Variants in KCNN3 observed in about 807,000 individuals in gnomAD.
KCNN3 encodes the protein potassium calcium-activated channel subfamily N member 3.
In KCNN3, 16 loss-of-function variants were observed where a neutral mutation model predicts 62.9. The ratio of observed to expected loss-of-function variants is 0.25; its 90% CI spans 0.17 to 0.39. KCNN3 has a LOEUF of 0.39. Ranked by LOEUF, KCNN3 falls within the 10% of genes least tolerant of loss-of-function variation. The pLI, the probability that KCNN3 is intolerant of heterozygous loss-of-function variation, is 1.00. For synonymous variants in KCNN3, 370 were observed against 389.2 expected (o/e 0.95, Z 0.58); for missense variants, 599 against 949.4 (o/e 0.63, Z 4.85).
At chr1:154,796,878 C>G (rs1649757836) in intron 2 of KCNN3, among the ~76,000 whole-genome samples, 1 of 152,146 alleles carries the variant, frequency 6.6e-6, no homozygotes, top group Non-Finnish European at 1.5e-5. Context: ...AAAGGGTTTT[C>G]CAAATGAAGA....
At chr1:154,776,761 G>A (rs1473535252) in intron 2 of KCNN3, among the ~76,000 whole-genome samples, 1 of 152,214 alleles carries the variant, frequency 6.6e-6, no homozygotes, top group African/African-American at 2.4e-5. Context: ...CCTTAGACAT[G>A]GTTCTCAACC....
Position 154,809,875 on chromosome 1 carries a change from T to G in KCNN3, c.1029+12214A>C, listed in dbSNP as rs1162120808. Among the ~76,000 whole-genome samples the G allele has an allele frequency of 3.9e-5, 6 of 152,144 alleles. No homozygotes were observed. ...TTCAATATAAACTAACAGGCTACCA[T>G]GAAAGCTAAAAGTCACTGGCTGTCT... On this transcript the variant is annotated intron_variant, in intron 2 of 7. Coordinates refer to ENST00000271915, the MANE Select transcript of KCNN3 (RefSeq NM_002249.6). This position sits in a 1 kb window ranked among gnomAD's most constrained non-coding sequence, Gnocchi z 4.3.
chr1:154,826,536 C>G (rs977729348), intron 1 of KCNN3, among the ~76,000 whole-genome samples: 4 of 118,944 alleles, frequency 3.4e-5, no homozygotes, highest in Non-Finnish European at 7.1e-5. Context: ...GATCTGTCTG[C>G]CTCCAGGTTC....
At position 154,699,486 on chromosome 1, in the gene KCNN3, C is replaced by CT. The variant is rs1327040553; in HGVS notation, c.*8489dup. 1.3e-5 allele frequency: 2 copies of CT among 152,260 alleles called. No homozygotes were observed. Among genetic ancestry groups the CT allele is most frequent in the East Asian group, 3.9e-4 (2 of 5,188 alleles). 9.4% of individuals were successfully genotyped at this position (152,260 alleles called of 1,614,324 possible). ...CACACATACATATTTATACTGACCT[C>CT]TTTAGATTGAAGTCCAAGGCACTTT... On this transcript the variant is annotated 3_prime_UTR_variant, in exon 8 of 8. Transcript: ENST00000271915.
intron 3 of KCNN3, among the ~76,000 whole-genome samples, chr1:154,762,863 T>G (rs1415324996): frequency 1.3e-5 from 2 of 152,200 alleles, no homozygotes; most frequent in African/African-American, 2.4e-5. Context: ...AATTTGATTT[T>G]TCATCCAAGC....
chr1:154,838,255 C>T (rs1651683153), intron 1 of KCNN3, among the ~76,000 whole-genome samples: 1 of 152,156 alleles, frequency 6.6e-6, no homozygotes, highest in African/African-American at 2.4e-5. Context: ...CCAAAGTCAC[C>T]CAGCTGCTAG....
At chr1:154,813,322 G>A (rs1290599366) in intron 2 of KCNN3, among the ~76,000 whole-genome samples, 1 of 151,344 alleles carries the variant, frequency 6.6e-6, no homozygotes, top group Admixed American at 6.6e-5. Context: ...GCGTGTCCAC[G>A]GCCCCCTCAC....
intron 1 of KCNN3, among the ~76,000 whole-genome samples, chr1:154,840,105 G>A (rs1651765246): frequency 6.6e-6 from 1 of 152,090 alleles, no homozygotes; most frequent in East Asian, 1.9e-4. Flanking sequence ...AAAGGTCACT[G>A]GGTGGTGATT....
At chr1:154,754,070 G>C (rs10494300) in intron 3 of KCNN3, among the ~76,000 whole-genome samples, 51,371 of 152,074 alleles carry the variant, frequency 0.34, 9,881 homozygotes, top group East Asian at 0.57. Context: ...TGTTGCTGAT[G>C]TTACTAAAAT....
intron 1 of KCNN3, among the ~76,000 whole-genome samples, chr1:154,842,016 C>T (rs1046265739): frequency 6.6e-6 from 1 of 152,242 alleles, no homozygotes; most frequent in African/African-American, 2.4e-5. Flanking sequence ...GAGGATGGCA[C>T]ACAGCCTGGA....
chr1:154,772,413 C>A lies in KCNN3; in HGVS notation c.1030-20G>T. On this transcript the variant is annotated intron_variant, in intron 2 of 7. Coordinates refer to ENST00000271915, the MANE Select transcript of KCNN3 (RefSeq NM_002249.6). The surrounding 1 kb of genome is among the most constrained non-coding windows in gnomAD (Gnocchi z 5.6). ...GAAGAGCTGGTGGGAGCAGAAAGTC[C>A]ATTAGTGTGGCCAGGACCAGGAAGC... 6.2e-7 allele frequency: 1 copy of A among 1,613,130 alleles called. No individual in the cohort carries two copies. Among genetic ancestry groups the A allele is most frequent in the Non-Finnish European group, 8.5e-7 (1 of 1,179,626 alleles).
At position 154,826,075 on chromosome 1, in the gene KCNN3, AAAAAC is replaced by A. The variant is rs1438740669; in HGVS notation, c.934-3896_934-3892del. On this transcript the variant is annotated intron_variant, in intron 1 of 7. Transcript: ENST00000271915. ...AAAAAACAAAAACAAAAACAAAAAC[AAAAAC>A]AAAAACAAAAAAAACCAAAAAACAC... Among the ~76,000 whole-genome samples, 7 of 19,692 alleles carry A rather than the reference AAAAAC, an allele frequency of 3.6e-4. 1 individual carries two copies. Among genetic ancestry groups the A allele is most frequent in the African/African-American group, 8.8e-4 (6 of 6,798 alleles). 12.9% of individuals were successfully genotyped at this position (19,692 alleles called of 152,430 possible). A position where few individuals can be genotyped will look rare whatever the true frequency, so the allele number is the denominator to read the frequency against.
At chr1:154,828,434 C>A (rs572150856) in intron 1 of KCNN3, among the ~76,000 whole-genome samples, 1 of 151,980 alleles carries the variant, frequency 6.6e-6, no homozygotes, top group South Asian at 2.1e-4. Flanking sequence ...AACCCACTCA[C>A]ACCATCTTCT....
intron 2 of KCNN3, among the ~76,000 whole-genome samples, chr1:154,818,363 A>G (rs1346812568): frequency 6.6e-6 from 1 of 152,180 alleles, no homozygotes; most frequent in Non-Finnish European, 1.5e-5. Flanking sequence ...TTCTAAAGAC[A>G]TTGGTAGGGC....
At chr1:154,751,409 C>T (rs1049826605) in intron 3 of KCNN3, among the ~76,000 whole-genome samples, 2 of 152,184 alleles carry the variant, frequency 1.3e-5, no homozygotes, top group African/African-American at 4.8e-5. Context: ...TGTGGCATCC[C>T]GTGCAGACAA....
At chr1:154,790,761 C>T (rs2101862113) in intron 2 of KCNN3, among the ~76,000 whole-genome samples, 1 of 152,336 alleles carries the variant, frequency 6.6e-6, no homozygotes, top group African/African-American at 2.4e-5. Flanking sequence ...GGGACTATCT[C>T]TCTCTGTAGG....
At chr1:154,780,730 A>G (rs12130204) in intron 2 of KCNN3, among the ~76,000 whole-genome samples, 46,013 of 151,786 alleles carry the variant, frequency 0.3, 7,304 homozygotes, top group Middle Eastern at 0.39. Flanking sequence ...CCCTGAGGAC[A>G]GGAGCTGATT....
chr1:154,819,676 T>G (rs1650810397), intron 2 of KCNN3, among the ~76,000 whole-genome samples: 1 of 152,132 alleles, frequency 6.6e-6, no homozygotes, highest in Non-Finnish European at 1.5e-5. Context: ...TTGGTGACTT[T>G]CCTCAAGTGA....
chr1:154,846,511 C>T (rs537831539), intron 1 of KCNN3, among the ~76,000 whole-genome samples: 8 of 152,306 alleles, frequency 5.3e-5, no homozygotes, highest in Non-Finnish European at 8.8e-5. Context: ...TGCCGGTACA[C>T]AGCAATAACA....
Sources: allele counts gnomAD v4.1 joint callset (sites outside exome capture counted in the v4.1 genomes callset), GRCh38; gene constraint gnomAD v4.1.1; non-coding constraint Gnocchi (gnomAD v3.1); transcripts MANE v1.5; gene names NCBI Gene and HGNC (gene_info 2026-07-23, HGNC 2026-07-21).